Variants in CRYBG3 observed in about 807,000 individuals in gnomAD.
CRYBG3 encodes the protein crystallin beta-gamma domain containing 3.
A neutral mutation model predicts 244.2 loss-of-function variants in CRYBG3; 127 were observed. That is an observed-to-expected ratio of 0.52 (90% confidence interval 0.45 to 0.60). The LOEUF (loss-of-function observed/expected upper bound fraction) is 0.60. Among genes scored for constraint, CRYBG3 ranks in the 20% least tolerant of loss-of-function variants. The pLI is 0.00. For synonymous variants in CRYBG3, 1,132 were observed against 1,195.8 expected (o/e 0.95, Z 1.10); for missense variants, 3,325 against 3,442.5 (o/e 0.97, Z 0.85).
chr3:97,881,124 G>A lies in CRYBG3; in HGVS notation c.7057G>A (p.Glu2353Lys), dbSNP rs771941853. The A allele has an allele frequency of 6.2e-7, 1 of 1,611,258 alleles. No individual in the cohort carries two copies. Among genetic ancestry groups the A allele is most frequent in the Non-Finnish European group, 8.5e-7 (1 of 1,178,724 alleles). Residue 2353 changes from glutamate (E) to lysine (K), a missense_variant, in exon 7 of 22, where the codon GAA becomes AAA. By Grantham distance (56) the Glu-to-Lys change is moderately conservative. This residue lies in a region of CRYBG3 where 714 missense variants were observed against 803.6 expected (regional missense o/e 0.89). Transcript: ENST00000389622. ...CCGAGGTCAGAAATGTGTGCTAGAAGAAGGGGAAAAGGTGTTAAATCGTGA... is the reference window on the plus strand; with the variant it reads ...CCGAGGTCAGAAATGTGTGCTAGAAAAAGGGGAAAAGGTGTTAAATCGTGA... ...HFRGQKCVLE[E>K]GEKVLNRDWI...
intron 19 of CRYBG3, 107 bp downstream of exon 19, chr3:97,937,015 C>A: frequency 8.1e-7 from 1 of 1,241,156 alleles, no homozygotes; most frequent in South Asian, 1.5e-5. Context: ...TTGCCATTTA[C>A]ATAGTAGGGG....
intron 1 of CRYBG3, among the ~76,000 whole-genome samples, chr3:97,827,964 C>T (rs1217026473): frequency 6.6e-6 from 1 of 152,070 alleles, no homozygotes; most frequent in Non-Finnish European, 1.5e-5. Flanking sequence ...GGACATCTGC[C>T]CAGATGGACT....
At chr3:97,868,776 A>G (rs1280637449) in intron 3 of CRYBG3, among the ~76,000 whole-genome samples, 1 of 152,272 alleles carries the variant, frequency 6.6e-6, no homozygotes, top group East Asian at 1.9e-4. Flanking sequence ...TTGGATCAAA[A>G]GTTGCATTGA....
chr3:97,844,252 C>T (rs1199230047), intron 2 of CRYBG3, among the ~76,000 whole-genome samples: 4 of 152,086 alleles, frequency 2.6e-5, no homozygotes, highest in Non-Finnish European at 5.9e-5. Flanking sequence ...CTACTAAATC[C>T]TCCTTCTGGT....
At chr3:97,908,258 T>C (rs1283568244) in intron 15 of CRYBG3, among the ~76,000 whole-genome samples, 2 of 152,212 alleles carry the variant, frequency 1.3e-5, no homozygotes, top group Non-Finnish European at 2.9e-5. Context: ...AGATGTCTAT[T>C]AGGTCCGCTT....
At chr3:97,915,988 C>A (rs1254526212) in intron 17 of CRYBG3, among the ~76,000 whole-genome samples, 1 of 152,066 alleles carries the variant, frequency 6.6e-6, no homozygotes, top group African/African-American at 2.4e-5. Context: ...CCTCAACTCC[C>A]AGTTTGATAC....
At chr3:97,937,441 T>C (rs1486693194) in intron 19 of CRYBG3, among the ~76,000 whole-genome samples, 1 of 152,092 alleles carries the variant, frequency 6.6e-6, no homozygotes, top group East Asian at 1.9e-4. Flanking sequence ...CAGAGTGGTT[T>C]CCCACTAAGA....
At chr3:97,912,109 T>C in intron 15 of CRYBG3, 58 bp from the exon 16 acceptor site, 1 of 801,800 alleles carries the variant, frequency 1.2e-6, no homozygotes, top group Non-Finnish European at 2.0e-6. Flanking sequence ...TTTTATTTGC[T>C]CGTGATCATC....
intron 1 of CRYBG3, among the ~76,000 whole-genome samples, chr3:97,825,157 G>C (rs1446097683): frequency 6.6e-6 from 1 of 152,142 alleles, no homozygotes; most frequent in Non-Finnish European, 1.5e-5. Context: ...ATTTAGGTTG[G>C]AACTGGGTTA....
In CRYBG3 at chr3:97,943,250, A is replaced by C. The variant is rs1405080023; in HGVS notation, c.8849A>C (p.His2950Pro). ...GGAGGAAATTATTGTGACAAGACTCATGTAATTGTAAATCAGCCCCTGGAG... is the reference window on the plus strand; with the variant it reads ...GGAGGAAATTATTGTGACAAGACTCCTGTAATTGTAAATCAGCCCCTGGAG... ...VKGGNYCDKT[H>P]VIVNQPLEGE... is the part of the protein sequence containing the mutation. Residue 2950 changes from histidine (H) to proline (P), a missense_variant, in exon 22 of 22, where the codon CAT becomes CCT. His to Pro is a moderately conservative substitution (Grantham distance 77, BLOSUM62 -2). Around this residue, in one of 4 missense-constraint regions of CRYBG3, gnomAD observed 714 missense variants for 803.6 expected, o/e 0.89. Coordinates refer to ENST00000389622, the MANE Select transcript of CRYBG3 (RefSeq NM_153605.4). 6.3e-7 allele frequency: 1 copy of C among 1,586,842 alleles called. No homozygotes were observed. The highest frequency in any genetic ancestry group is 2.2e-5 in the East Asian group (1 of 44,536).
chr3:97,918,847 CA>C (rs2039954562), intron 17 of CRYBG3, among the ~76,000 whole-genome samples: 1 of 152,104 alleles, frequency 6.6e-6, no homozygotes, highest in South Asian at 2.1e-4. Context: ...AGCAAGGTCA[CA>C]ATCACAGAGT....
chr3:97,833,643 A>G (rs2038687425), intron 1 of CRYBG3, among the ~76,000 whole-genome samples: 1 of 152,038 alleles, frequency 6.6e-6, no homozygotes, highest in South Asian at 2.1e-4. Context: ...GGTTCAGCAA[A>G]CCACCATGGC....
chr3:97,871,584 A>G (rs1388305853), intron 3 of CRYBG3, among the ~76,000 whole-genome samples: 4 of 152,188 alleles, frequency 2.6e-5, no homozygotes, highest in African/African-American at 9.6e-5. Flanking sequence ...AGTCAGAGGT[A>G]TGTATGTAAT....
At chr3:97,924,196 T>G (rs755847531) in intron 17 of CRYBG3, 2 of 329,866 alleles carry the variant, frequency 6.1e-6, no homozygotes, top group Non-Finnish European at 1.2e-5. Context: ...AACTGTTAAA[T>G]AAATGGTGTT....
chr3:97,914,902 T>G (rs570438081), intron 16 of CRYBG3, among the ~76,000 whole-genome samples: 4 of 152,306 alleles, frequency 2.6e-5, no homozygotes, highest in African/African-American at 7.2e-5. Context: ...GTAACAGCCA[T>G]TTAATTTTTC....
At chr3:97,885,315 A>C (rs2039495419) in intron 7 of CRYBG3, among the ~76,000 whole-genome samples, 1 of 152,122 alleles carries the variant, frequency 6.6e-6, no homozygotes, top group South Asian at 2.1e-4. Flanking sequence ...AAATCAGACT[A>C]TTATACTTTT....
At chr3:97,919,169 T>C (rs2039958084) in intron 17 of CRYBG3, among the ~76,000 whole-genome samples, 1 of 152,178 alleles carries the variant, frequency 6.6e-6, no homozygotes, top group Admixed American at 6.5e-5. Flanking sequence ...TTGAGATTAA[T>C]TTTTAGTGAC....
At chr3:97,878,242 C>G (rs1210287700) in intron 4 of CRYBG3, among the ~76,000 whole-genome samples, 2 of 152,008 alleles carry the variant, frequency 1.3e-5, no homozygotes, top group African/African-American at 4.8e-5. Context: ...AACCTTGTCT[C>G]TACTAAAAAT....
chr3:97,873,241 A>G lies in CRYBG3; in HGVS notation c.2047A>G (p.Ile683Val), dbSNP rs1054046094. ...AATGAATGAGGGTTCTCCTGTGCCC[A>G]TTGAAACTGGGAATGTCAACATTGT... ...DLMNEGSPVP[I>V]ETGNVNIVGI... The change falls in exon 4 of 22, where the codon ATT becomes GTT. Residue 683 changes from isoleucine (I) to valine (V), a missense_variant. This residue lies in a region of CRYBG3 where 1,526 missense variants were observed against 1,443.2 expected (regional missense o/e 1.06). Transcript: ENST00000389622. 3 of 1,535,226 alleles carry G rather than the reference A, an allele frequency of 2.0e-6. No individual in the cohort carries two copies. The highest frequency in any genetic ancestry group is 2.6e-6 in the Non-Finnish European group (3 of 1,146,640).
Sources: allele counts gnomAD v4.1 joint callset (sites outside exome capture counted in the v4.1 genomes callset), GRCh38; gene constraint gnomAD v4.1.1; regional missense constraint gnomAD v4.1.1; transcripts MANE v1.5; gene names NCBI Gene and HGNC (gene_info 2026-07-23, HGNC 2026-07-21).